The following FAAP20 variants were observed in gnomAD, a reference collection of about 807,000 sequenced individuals.
The protein encoded by FAAP20 is FA core complex associated protein 20.
FAAP20 carries 12 observed loss-of-function variants against 16.2 expected under a neutral mutation model. That is an observed-to-expected ratio of 0.74 (90% CI 0.48 to 1.20). The LOEUF is 1.20. Ranked by LOEUF, FAAP20 falls within the 50% of genes most tolerant of loss-of-function variation. FAAP20 has a pLI of 0.00. For synonymous variants in FAAP20, 141 were observed against 110.7 expected (o/e 1.27, Z -1.72); for missense variants, 288 against 245.8 (o/e 1.17, Z -1.15).
At chr1:2,199,765 TG>T, upstream of FAAP20, 1 of 467,468 alleles carries the variant, frequency 2.1e-6, no homozygotes, top group Non-Finnish European at 2.8e-6. The surrounding 1 kb of genome is among the most constrained non-coding windows in gnomAD (Gnocchi z 4.5). Flanking sequence ...GAATGCAGTG[TG>T]AGCAGTGTTC....
At chr1:2,191,939 C>G (rs1193118698) in intron 3 of FAAP20, 15 of 985,354 alleles carry the variant, frequency 1.5e-5, no homozygotes, top group Non-Finnish European at 1.7e-5. Context: ...AAAGAACATT[C>G]TACATAGTTT....
chr1:2,188,354 T>G (rs1185098930), downstream of FAAP20, among the ~76,000 whole-genome samples: 6 of 152,148 alleles, frequency 3.9e-5, no homozygotes, highest in Admixed American at 3.3e-4. Flanking sequence ...AGAAGCTGCC[T>G]CAAAACCCCT....
intron 3 of FAAP20, chr1:2,192,546 A>C (rs771085366): frequency 6.8e-5 from 69 of 1,018,918 alleles, no homozygotes; most frequent in Non-Finnish European, 7.9e-5. Context: ...GGCGGGGGGC[A>C]GCACCCTGAC....
chr1:2,197,146 C>T (rs1449552427), upstream of FAAP20, among the ~76,000 whole-genome samples: 1 of 152,224 alleles, frequency 6.6e-6, no homozygotes, highest in African/African-American at 2.4e-5. Flanking sequence ...AAACTCAGGC[C>T]CCTGCCCTGT....
downstream of FAAP20, chr1:2,186,217 A>G (rs969183086): frequency 1.2e-5 from 4 of 332,418 alleles, no homozygotes; most frequent in Non-Finnish European, 2.5e-5. Flanking sequence ...TCCATGACTC[A>G]GGGGCCGCTC....
chr1:2,192,531 C>CG (rs1287625424), intron 3 of FAAP20: 18 of 1,004,066 alleles, frequency 1.8e-5, no homozygotes, highest in African/African-American at 3.4e-5. Flanking sequence ...AGCCCCTCCC[C>CG]GGGGGGCGGG....
At chr1:2,194,799 C>T (rs1688724294), upstream of FAAP20, 1 of 1,052,274 alleles carries the variant, frequency 9.5e-7, no homozygotes, top group African/African-American at 1.7e-5. Context: ...CCCGCCCCTC[C>T]AGGCCCCGCC....
upstream of FAAP20, among the ~76,000 whole-genome samples, chr1:2,204,146 C>G (rs1210993976): frequency 6.6e-6 from 1 of 152,268 alleles, no homozygotes; most frequent in Non-Finnish European, 1.5e-5. Context: ...CAGACCCTCA[C>G]AGACGGCCTC....
chr1:2,193,068 C>G, intron 3 of FAAP20: 3 of 1,232,044 alleles, frequency 2.4e-6, no homozygotes, highest in Non-Finnish European at 3.2e-6. Context: ...AAGTTACGAA[C>G]CAGCATCATT....
At chr1:2,199,532 TGCGCG>T, upstream of FAAP20, 1 of 985,864 alleles carries the variant, frequency 1.0e-6, no homozygotes, top group Non-Finnish European at 1.2e-6. This position sits in a 1 kb window ranked among gnomAD's most constrained non-coding sequence, Gnocchi z 4.5. Context: ...CCTCTCAGAG[TGCGCG>T]GCACCAAGGA....
chr1:2,205,230 C>T (rs892866777), intron 3 of FAAP20, among the ~76,000 whole-genome samples: 1 of 84,614 alleles, frequency 1.2e-5, no homozygotes, highest in South Asian at 4.9e-4. Flanking sequence ...CTGGCCCTTC[C>T]CTTGCCCCGC....
Position 2,189,633 on chromosome 1 carries a change from G to GAGCCGAGAGGCGGGGC in FAAP20, c.*60_*75dup. Reference sequence around the variant, plus strand: ...CCGAGAGGCGGGGCTGCTGGCGGGGGAGCCGAGAGGCGGGGCTGCTGGCGG... The same window carrying GAGCCGAGAGGCGGGGC: ...CCGAGAGGCGGGGCTGCTGGCGGGGGAGCCGAGAGGCGGGGCAGCCGAGAGGCGGGGCTGCTGGCGG... On this transcript the variant is annotated 3_prime_UTR_variant, in exon 4 of 4. Coordinates refer to ENST00000378546, the MANE Select transcript of FAAP20 (RefSeq NM_182533.4). 8.0e-7 allele frequency: 1 copy of GAGCCGAGAGGCGGGGC among 1,242,418 alleles called. No homozygotes were observed. The highest frequency in any genetic ancestry group is 1.2e-6 in the Non-Finnish European group (1 of 857,050). 77.0% of individuals were successfully genotyped at this position (1,242,418 alleles called of 1,614,324 possible).
At chr1:2,208,666 G>A (rs1689352930), downstream of FAAP20, among the ~76,000 whole-genome samples, 1 of 152,172 alleles carries the variant, frequency 6.6e-6, no homozygotes, top group Admixed American at 6.5e-5. Context: ...GCCTGTTTAT[G>A]TAACCCCCAT....
chr1:2,202,030 AAAG>A (rs930711558), upstream of FAAP20, among the ~76,000 whole-genome samples: 9 of 151,860 alleles, frequency 5.9e-5, no homozygotes, highest in Admixed American at 1.3e-4. Flanking sequence ...AAAAAAAAAA[AAAG>A]AAGAAGAAGA....
chr1:2,187,840 C>T (rs1362303801), downstream of FAAP20, among the ~76,000 whole-genome samples: 6 of 152,162 alleles, frequency 3.9e-5, no homozygotes, highest in African/African-American at 9.7e-5. Flanking sequence ...TGGACAGGCA[C>T]GTGACAGTGT....
chr1:2,184,969 A>G (rs1687358770), downstream of FAAP20: 1 of 1,613,960 alleles, frequency 6.2e-7, no homozygotes, highest in Non-Finnish European at 8.5e-7. Flanking sequence ...GGCTTTGAGT[A>G]TATCAACCCA....
At chr1:2,195,995 C>G (rs2503711), upstream of FAAP20, among the ~76,000 whole-genome samples, 32 of 152,054 alleles carry the variant, frequency 2.1e-4, 1 homozygote, top group South Asian at 3.7e-3. Flanking sequence ...TGCTGCAGGC[C>G]GTGTGGTCTC....
upstream of FAAP20, among the ~76,000 whole-genome samples, chr1:2,203,276 C>T (rs1374600152): frequency 1.3e-5 from 2 of 152,174 alleles, no homozygotes; most frequent in Non-Finnish European, 2.9e-5. Context: ...AGAGAGTGGC[C>T]GCTGAGACAA....
chr1:2,194,843 G>T (rs569039297), upstream of FAAP20: 156 of 949,212 alleles, frequency 1.6e-4, no homozygotes, highest in Middle Eastern at 1.1e-3. Context: ...CCTCTGCAGC[G>T]AGGCCGCCCC....
Sources: allele counts gnomAD v4.1 joint callset (sites outside exome capture counted in the v4.1 genomes callset), GRCh38; gene constraint gnomAD v4.1.1; non-coding constraint Gnocchi (gnomAD v3.1); transcripts MANE v1.5; gene names NCBI Gene and HGNC (gene_info 2026-07-23, HGNC 2026-07-21).